YBEY: variants seen among roughly 807,000 people sequenced by gnomAD.
The protein encoded by YBEY is ybeY metalloendoribonuclease.
YBEY carries 15 observed loss-of-function variants against 13.5 expected under a neutral mutation model. That is an observed-to-expected ratio of 1.11 (90% CI 0.75 to 1.72). The LOEUF (loss-of-function observed/expected upper bound fraction) is 1.72, where lower values mean the gene tolerates loss of function less well. YBEY is among the 40% of genes most tolerant of loss of function. The pLI, the probability that YBEY is intolerant of heterozygous loss-of-function variation, is 0.00. For synonymous variants in YBEY, 101 were observed against 83.1 expected (o/e 1.21, Z -1.17); for missense variants, 244 against 208.4 (o/e 1.17, Z -1.05).
In YBEY at chr21:46,291,405, A is replaced by T; in HGVS notation, c.282A>T (p.Gly94=). 6.2e-7 allele frequency: 1 copy of T among 1,614,046 alleles called. No individual in the cohort carries two copies. ...DDYNLGDIFL[G]VEYIFHQCKE... ...ACAATTTGGGAGACATTTTCCTAGG[A>T]GTGGAGTATATCTTCCATCAGTGTA... The change falls in exon 3 of 5, where the codon GGA becomes GGT. Residue 94 remains glycine, a synonymous_variant. Transcript: ENST00000397701.
chr21:46,298,477 G>A (rs1160795136), downstream of YBEY, among the ~76,000 whole-genome samples: 2 of 98,626 alleles, frequency 2.0e-5, no homozygotes, highest in Non-Finnish European at 4.3e-5. Context: ...CGCCCAGGCT[G>A]GAGTGCAGTG....
chr21:46,299,239 A>C (rs147599474), downstream of YBEY, among the ~76,000 whole-genome samples: 1 of 152,146 alleles, frequency 6.6e-6, no homozygotes. Context: ...AAGTGCTGAC[A>C]TTATAGGTGT....
downstream of YBEY, chr21:46,301,977 C>T: frequency 6.7e-7 from 1 of 1,502,302 alleles, no homozygotes; most frequent in South Asian, 1.3e-5. Flanking sequence ...GGTGCCCCGG[C>T]CAGGGTCTCT....
chr21:46,287,163 C>T (rs2081478924), intron 2 of YBEY, 40 bp downstream of exon 2: 6 of 1,526,952 alleles, frequency 3.9e-6, no homozygotes, highest in Non-Finnish European at 4.4e-6. Context: ...AGCCCATCTT[C>T]CCAGAGTAAA....
the YBEY span, among the ~76,000 whole-genome samples, chr21:46,307,423 C>CAT: frequency 2.6e-5 from 4 of 152,018 alleles, no homozygotes; most frequent in African/African-American, 9.7e-5. Context: ...GAACCTATGG[C>CAT]ATACAAGCAT....
chr21:46,310,227 A>G, the YBEY span, among the ~76,000 whole-genome samples: 5 of 152,088 alleles, frequency 3.3e-5, no homozygotes, highest in African/African-American at 1.2e-4. Flanking sequence ...CTGTAATCCC[A>G]GCACTTTGGG....
chr21:46,290,320 C>T (rs375736540), intron 2 of YBEY, among the ~76,000 whole-genome samples: 23 of 152,108 alleles, frequency 1.5e-4, no homozygotes, highest in African/African-American at 4.6e-4. Flanking sequence ...ATTCTCCTGC[C>T]TCAGCCTCCC....
intron 3 of YBEY, among the ~76,000 whole-genome samples, chr21:46,295,601 C>T (rs978868414): frequency 6.6e-6 from 1 of 152,060 alleles, no homozygotes; most frequent in Non-Finnish European, 1.5e-5. Context: ...GTCTTCCTGA[C>T]TCACCAGCAG....
chr21:46,296,596 C>G (rs747482405), intron 4 of YBEY, among the ~76,000 whole-genome samples: 1 of 152,170 alleles, frequency 6.6e-6, no homozygotes, highest in South Asian at 2.1e-4. Context: ...GCTCCGCCTA[C>G]GGAGGCCCAC....
At chr21:46,295,770 G>T (rs773468795) in intron 3 of YBEY, among the ~76,000 whole-genome samples, 2 of 152,022 alleles carry the variant, frequency 1.3e-5, no homozygotes, top group African/African-American at 4.8e-5. Context: ...CGCTTGCCTC[G>T]TCCCTCTTAG....
chr21:46,303,297 C>T, the YBEY span, among the ~76,000 whole-genome samples: 33 of 152,014 alleles, frequency 2.2e-4, no homozygotes, highest in African/African-American at 5.1e-4. Flanking sequence ...CATGATCATG[C>T]CCCTGCACTC....
the YBEY span, among the ~76,000 whole-genome samples, chr21:46,311,926 T>TCCAA: frequency 5.6e-5 from 6 of 106,222 alleles, no homozygotes; most frequent in Non-Finnish European, 1.1e-4. Flanking sequence ...CACCCATCCA[T>TCCAA]CCAACCAACC....
chr21:46,301,541 T>A, downstream of YBEY: 1 of 987,674 alleles, frequency 1.0e-6, no homozygotes, highest in Non-Finnish European at 1.2e-6. Context: ...ATGTTCACAC[T>A]TCCATGTGGC....
At chr21:46,308,648 G>A in the YBEY span, among the ~76,000 whole-genome samples, 2 of 151,908 alleles carry the variant, frequency 1.3e-5, no homozygotes, top group Non-Finnish European at 2.9e-5. Context: ...TCCTCAATGT[G>A]GCAGTATTGA....
At chr21:46,297,461 C>T in intron 4 of YBEY, 78 bp from the exon 5 acceptor site, 2 of 1,258,808 alleles carry the variant, frequency 1.6e-6, no homozygotes, top group Non-Finnish European at 1.0e-6. Flanking sequence ...GTGGGAGGGG[C>T]ATCCCGAGGA....
the YBEY span, among the ~76,000 whole-genome samples, chr21:46,305,927 G>A: frequency 3.7e-3 from 558 of 150,872 alleles, 4 homozygotes; most frequent in African/African-American, 0.013. Flanking sequence ...GGCAGACAGC[G>A]AGACTCCGTC....
At chr21:46,289,431 G>A (rs1716344570) in intron 2 of YBEY, among the ~76,000 whole-genome samples, 1 of 150,442 alleles carries the variant, frequency 6.6e-6, no homozygotes. Flanking sequence ...GGAGGTAAAG[G>A]AAGGCAAGGG....
chr21:46,309,996 A>AAAAAT, the YBEY span, among the ~76,000 whole-genome samples: 26 of 152,196 alleles, frequency 1.7e-4, no homozygotes, highest in East Asian at 1.2e-3. Context: ...ACTCTGTCTC[A>AAAAAT]AAAATAAAAT....
At position 46,297,523 on chromosome 21, in the gene YBEY, GCTTC is replaced by G. The variant is rs1178429887; in HGVS notation, c.409-6_409-3del. On this transcript the variant is annotated splice_polypyrimidine_tract_variant and intron_variant, in intron 4 of 4. Transcript: ENST00000397701. Reference sequence around the variant, plus strand: ...CACCTTCCCTGGGGAGGGCCAGCGCGCTTCCTTCCTTCCAGATGTTCCAGAAGGA... The same window carrying G: ...CACCTTCCCTGGGGAGGGCCAGCGCGCTTCCTTCCAGATGTTCCAGAAGGA... The G allele has an allele frequency of 5.9e-6, 8 of 1,365,486 alleles. No homozygotes were observed. The East Asian group carries it at 1.2e-4, about 21-fold the overall frequency. The allele number at this position is 1,365,486 out of a possible 1,614,324, so 84.6% of individuals were successfully genotyped here. A position where few individuals can be genotyped will look rare whatever the true frequency, so the allele number is the denominator to read the frequency against.
Sources: allele counts gnomAD v4.1 joint callset (sites outside exome capture counted in the v4.1 genomes callset), GRCh38; gene constraint gnomAD v4.1.1; transcripts MANE v1.5; gene names NCBI Gene and HGNC (gene_info 2026-07-23, HGNC 2026-07-21).